The following NKIRAS1 variants were observed in gnomAD, a reference collection of about 807,000 sequenced individuals.
The protein encoded by NKIRAS1 is NFKB inhibitor interacting Ras like 1.
In NKIRAS1, 16 loss-of-function variants were observed where a neutral mutation model predicts 19.8. The observed-to-expected ratio is 0.81, with a 90% CI of 0.55 to 1.23. The LOEUF is 1.23. Among genes scored for constraint, NKIRAS1 ranks in the 50% most tolerant of loss-of-function variants. NKIRAS1 has a pLI of 0.00. For synonymous variants in NKIRAS1, 88 were observed against 79.0 expected, an observed-to-expected ratio of 1.11 and a Z score of -0.61; for missense variants, 184 against 220.0, an observed-to-expected ratio of 0.84 and a Z score of 1.04.
At chr3:23,896,144 A>C (rs1021095546) in intron 4 of NKIRAS1, among the ~76,000 whole-genome samples, 14 of 151,288 alleles carry the variant, frequency 9.3e-5, no homozygotes, top group African/African-American at 2.9e-4. Flanking sequence ...CAAAAAAAAA[A>C]AAAAAAAAAA....
chr3:23,917,804 T>C, upstream of NKIRAS1: 8 of 1,530,556 alleles, frequency 5.2e-6, no homozygotes, highest in Non-Finnish European at 6.2e-6. Flanking sequence ...AGTCGTCTTA[T>C]TGTACTTAAA....
At position 23,926,377 on chromosome 3, in the gene NKIRAS1, T is replaced by A. The variant is rs2125263998; in HGVS notation, c.-139-14927A>T. ...ATAGTACTGACTTAGACCCTTGAAATTCTTCTTTATTTCTTCTTCTTTCTT... is the reference window on the plus strand; with the variant it reads ...ATAGTACTGACTTAGACCCTTGAAAATCTTCTTTATTTCTTCTTCTTTCTT... On this transcript the variant is annotated intron_variant, in intron 1 of 4. Coordinates refer to the NKIRAS1 transcript ENST00000421515. This position sits in a 1 kb window ranked among gnomAD's most constrained non-coding sequence, Gnocchi z 4.3. 6.6e-6 allele frequency among the ~76,000 whole-genome samples: 1 copy of A among 152,144 alleles called. No individual in the cohort carries two copies. The highest frequency in any genetic ancestry group is 2.4e-5 in the African/African-American group (1 of 41,512).
In NKIRAS1 at chr3:23,890,455, AG is replaced by A; in HGVS notation, c.*2639del. ...TACCCAAGCTGTCACTATTCGCTAA[AG>A]TTTAAAATGTTCTTTTCCTTTCTCC... On this transcript the variant is annotated 3_prime_UTR_variant, in exon 5 of 5. Transcript: ENST00000425478. 6.4e-7 allele frequency: 1 copy of A among 1,569,226 alleles called. No homozygotes were observed. The highest frequency in any genetic ancestry group is 8.7e-7 in the Non-Finnish European group (1 of 1,152,676).
At chr3:23,943,094 A>C (rs2125272696) in intron 1 of NKIRAS1, among the ~76,000 whole-genome samples, 1 of 151,976 alleles carries the variant, frequency 6.6e-6, no homozygotes, top group East Asian at 2.0e-4. Flanking sequence ...GTTTTGACAA[A>C]TGTGTAAAAA....
upstream of NKIRAS1, among the ~76,000 whole-genome samples, chr3:23,921,234 T>C (rs984383899): frequency 1.3e-5 from 2 of 152,206 alleles, no homozygotes. Context: ...CTGTCCTTGC[T>C]ACCCAACAGT....
intron 1 of NKIRAS1, among the ~76,000 whole-genome samples, chr3:23,912,507 A>G (rs888261120): frequency 3.3e-5 from 5 of 152,180 alleles, no homozygotes; most frequent in African/African-American, 1.2e-4. Context: ...TCTCACGCCA[A>G]TTAGAATGGT....
chr3:23,930,089 A>G (rs55825200), intron 1 of NKIRAS1, among the ~76,000 whole-genome samples: 2,351 of 152,308 alleles, frequency 0.015, 28 homozygotes, highest in Middle Eastern at 0.037. Context: ...GTCTACTTAA[A>G]GGCATTGGAG....
intron 4 of NKIRAS1, among the ~76,000 whole-genome samples, chr3:23,898,214 C>T (rs540344739): frequency 5.3e-5 from 8 of 151,914 alleles, no homozygotes; most frequent in African/African-American, 1.7e-4. Context: ...CTTTTCAAAA[C>T]CTTGTGAATA....
Position 23,897,851 on chromosome 3 carries a change from T to C in NKIRAS1, c.336+2957A>G, listed in dbSNP as rs991880570. 3.9e-4 allele frequency among the ~76,000 whole-genome samples: 60 copies of C among 152,352 alleles called. 1 individual carries two copies. Among genetic ancestry groups the C allele is most frequent in the Non-Finnish European group, 7.6e-4 (52 of 68,034 alleles). ...TCTCACTCCCAAAATAGAAGCTTTA[T>C]TGGGATATGGACTGTTTTGTTCTCT... On this transcript the variant is annotated intron_variant, in intron 4 of 4. Coordinates refer to ENST00000425478, the MANE Select transcript of NKIRAS1 (RefSeq NM_020345.4).
chr3:23,906,158 C>CAAAAAA (rs377092022), intron 3 of NKIRAS1, among the ~76,000 whole-genome samples: 1 of 98,830 alleles, frequency 1.0e-5, no homozygotes, highest in Non-Finnish European at 1.9e-5. Context: ...GACTCCGTCT[C>CAAAAAA]AAAAAAAAAA....
At chr3:23,944,311 T>C (rs1437611840) in intron 1 of NKIRAS1, among the ~76,000 whole-genome samples, 1 of 152,184 alleles carries the variant, frequency 6.6e-6, no homozygotes. Context: ...CGTGACATTT[T>C]CCCCACCTTC....
rs1490386788 is a variant in NKIRAS1, at chr3:23,927,734, A to T, written c.-139-16284T>A. On this transcript the variant is annotated intron_variant, in intron 1 of 4. Coordinates refer to the NKIRAS1 transcript ENST00000421515. The surrounding 1 kb of genome is among the most constrained non-coding windows in gnomAD (Gnocchi z 4.0). ...CATACTATTTAGCTTCCCGAGGTTG[A>T]TTATTAACTAAGCTAGGATGTTTTG... Among the ~76,000 whole-genome samples the T allele has an allele frequency of 6.6e-6, 1 of 152,186 alleles. No homozygotes were observed. The highest frequency in any genetic ancestry group is 2.4e-5 in the African/African-American group (1 of 41,440).
chr3:23,946,221 A>C (rs573967762), intron 1 of NKIRAS1: 1 of 985,430 alleles, frequency 1.0e-6, no homozygotes, highest in African/African-American at 1.7e-5. Flanking sequence ...CTGACACCGC[A>C]GTGCACCGGA....
intron 3 of NKIRAS1, among the ~76,000 whole-genome samples, chr3:23,910,097 T>G (rs1377294439): frequency 6.6e-6 from 1 of 151,542 alleles, no homozygotes; most frequent in Non-Finnish European, 1.5e-5. Context: ...GACCTCATGA[T>G]CTGCCTGCCT....
intron 1 of NKIRAS1, chr3:23,916,241 T>C (rs939646076): frequency 6.6e-6 from 1 of 152,122 alleles, no homozygotes; most frequent in African/African-American, 2.4e-5. Context: ...TAAAGCCACA[T>C]GACTTAAATT....
In NKIRAS1 at chr3:23,911,449, G is replaced by A. The variant is rs1187508094; in HGVS notation, c.-138C>T. The A allele has an allele frequency of 6.5e-6, 1 of 153,984 alleles. No homozygotes were observed. Among genetic ancestry groups the A allele is most frequent in the Non-Finnish European group, 1.4e-5 (1 of 69,296 alleles). 9.5% of individuals were successfully genotyped at this position (153,984 alleles called of 1,614,324 possible). The stretch of plus-strand genomic sequence containing the variant: ...AGCCTGGGTGAAAGAGCTAGACTCT[G>A]TCTGAAAACAAACAAACAAAAAAAC... On this transcript the variant is annotated splice_region_variant and 5_prime_UTR_variant, in exon 2 of 5. Transcript: ENST00000425478.
At chr3:23,896,431 A>G (rs1702001166) in intron 4 of NKIRAS1, among the ~76,000 whole-genome samples, 1 of 151,916 alleles carries the variant, frequency 6.6e-6, no homozygotes, top group African/African-American at 2.4e-5. Flanking sequence ...CCTGTCCAAC[A>G]TGGTGAAACC....
At chr3:23,917,854 G>T (rs747767933), upstream of NKIRAS1, 55 of 1,607,730 alleles carry the variant, frequency 3.4e-5, no homozygotes, top group Non-Finnish European at 3.3e-5. Context: ...TCACAGGTAA[G>T]CCAAGATGGG....
In NKIRAS1 at chr3:23,916,808, A is replaced by G. The variant is rs1381550871; in HGVS notation, c.-164T>C. 1.3e-5 allele frequency: 2 copies of G among 152,762 alleles called. No individual in the cohort carries two copies. Among genetic ancestry groups the G allele is most frequent in the South Asian group, 2.1e-4 (1 of 4,838 alleles). 9.5% of individuals were successfully genotyped at this position (152,762 alleles called of 1,614,324 possible). On this transcript the variant is annotated 5_prime_UTR_variant, in exon 1 of 5. Transcript: ENST00000425478. ...CCTGTTCTCTCCTCAGACCTCAAAG[A>G]CAGCGGCTCCACCGCGGTACGCGGC...
Sources: allele counts gnomAD v4.1 joint callset (sites outside exome capture counted in the v4.1 genomes callset), GRCh38; gene constraint gnomAD v4.1.1; non-coding constraint Gnocchi (gnomAD v3.1); transcripts MANE v1.5; gene names NCBI Gene and HGNC (gene_info 2026-07-23, HGNC 2026-07-21).